The following RBM33 variants were observed in gnomAD, a reference collection of about 807,000 sequenced individuals.
RBM33 encodes the protein RNA-binding protein 33.
In RBM33, 28 loss-of-function variants were observed where a neutral mutation model predicts 132.6. That is an observed-to-expected ratio of 0.21 (90% CI 0.16 to 0.29). The LOEUF (loss-of-function observed/expected upper bound fraction) is 0.29, where lower values mean the gene tolerates loss of function less well. RBM33 is among the 10% of genes least tolerant of loss of function. The probability of loss-of-function intolerance (pLI) is 1.00; values close to 1 mark genes in which losing one functional copy is unlikely to be tolerated. For synonymous variants in RBM33, 634 were observed against 593.0 expected, an observed-to-expected ratio of 1.07 and a Z score of -1.01; for missense variants, 1,291 against 1,518.5, an observed-to-expected ratio of 0.85 and a Z score of 2.49.
At chr7:155,692,396 GA>G in intron 5 of RBM33, among the ~76,000 whole-genome samples, 1 of 152,274 alleles carries the variant, frequency 6.6e-6, no homozygotes, top group Middle Eastern at 3.4e-3. Flanking sequence ...CTTTGTTCCG[GA>G]ATATCTTTTA....
At chr7:155,749,282 A>G (rs1222569203) in intron 14 of RBM33, among the ~76,000 whole-genome samples, 1 of 152,152 alleles carries the variant, frequency 6.6e-6, no homozygotes, top group Non-Finnish European at 1.5e-5. Flanking sequence ...TGTGATTTTT[A>G]TGCCAGATAA....
intron 14 of RBM33, among the ~76,000 whole-genome samples, chr7:155,752,928 G>T (rs1030502285): frequency 6.6e-6 from 1 of 152,070 alleles, no homozygotes; most frequent in African/African-American, 2.4e-5. Flanking sequence ...TTCAGAGCCG[G>T]CTCCTGATGT....
At chr7:155,661,085 G>C (rs909269864) in intron 1 of RBM33, among the ~76,000 whole-genome samples, 2 of 138,620 alleles carry the variant, frequency 1.4e-5, no homozygotes, top group Admixed American at 1.5e-4. Flanking sequence ...AATAATTTCT[G>C]TGTGTGTGTG....
Position 155,745,225 on chromosome 7 carries a change from C to A in RBM33, c.2602C>A (p.Gln868Lys), listed in dbSNP as rs1311260208. The A allele has an allele frequency of 1.3e-5, 21 of 1,612,508 alleles. No homozygotes were observed. The highest frequency in any genetic ancestry group is 1.8e-5 in the Non-Finnish European group (21 of 1,179,272). The change falls in exon 14 of 18, where the codon CAA becomes AAA. Residue 868 changes from glutamine (Q) to lysine (K), a missense_variant. This residue lies in a region of RBM33 where 841 missense variants were observed against 912.0 expected (regional missense o/e 0.92). Transcript: ENST00000401878. The surrounding 1 kb of genome is among the most constrained non-coding windows in gnomAD (Gnocchi z 4.1). ...GCCCTTTCCAGGTGCACAGGTCAGA[C>A]AAAATGTGAAGAACAGACTTCTTGT... ...LLPFPGAQVR[Q>K]NVKNRLLVKN...
rs75855021 is a variant in RBM33 at position 155,766,822 on chromosome 7, C to T, written c.3375+167C>T. ...TGCATACTTAGTATCAGAACATTTG[C>T]CTCAAACGTTTATTTTGAAATTTTC... On this transcript the variant is annotated intron_variant, in intron 16 of 17. Transcript: ENST00000401878. 8,212 of 670,288 alleles carry T rather than the reference C, an allele frequency of 0.012. 515 individuals carry two copies. The African/African-American group carries it at 0.14, about 11-fold the overall frequency. 41.5% of individuals were successfully genotyped at this position (670,288 alleles called of 1,614,324 possible). A position where few individuals can be genotyped will look rare whatever the true frequency, so the allele number is the denominator to read the frequency against.
chr7:155,645,246 G>T (rs755145200), intron 1 of RBM33: 33 of 277,176 alleles, frequency 1.2e-4, no homozygotes, highest in Non-Finnish European at 1.7e-4. Flanking sequence ...GTAGGAGAGC[G>T]CCCCCCCCAC....
At position 155,779,107 on chromosome 7, in the gene RBM33, C is replaced by T. The variant is rs936282201; in HGVS notation, c.*4066C>T. ...TGGGATTCGTTTTTTTATTACCCTC[C>T]CTCCCTACTTGTAGGCCTCAGCTAT... On this transcript the variant is annotated 3_prime_UTR_variant, in exon 18 of 18. Coordinates refer to ENST00000401878, the MANE Select transcript of RBM33 (RefSeq NM_053043.3). 1.3e-5 allele frequency: 2 copies of T among 152,052 alleles called. No homozygotes were observed. Among genetic ancestry groups the T allele is most frequent in the Non-Finnish European group, 2.9e-5 (2 of 68,056 alleles). 9.4% of individuals were successfully genotyped at this position (152,052 alleles called of 1,614,324 possible).
intron 1 of RBM33, among the ~76,000 whole-genome samples, chr7:155,653,091 C>T (rs1230336372): frequency 6.6e-6 from 1 of 151,842 alleles, no homozygotes; most frequent in African/African-American, 2.4e-5. Context: ...TTTTTTTAAA[C>T]CATATATCCT....
At chr7:155,730,949 C>G (rs1563164798) in intron 9 of RBM33, among the ~76,000 whole-genome samples, 1 of 152,188 alleles carries the variant, frequency 6.6e-6, no homozygotes. Context: ...GTACCTAGTT[C>G]TCAGGTAGCT....
intron 14 of RBM33, among the ~76,000 whole-genome samples, chr7:155,747,346 A>C (rs1801550066): frequency 6.6e-6 from 1 of 152,018 alleles, no homozygotes; most frequent in Admixed American, 6.6e-5. Flanking sequence ...TACTTGTGTT[A>C]CAGACTTTTT....
chr7:155,701,938 A>G (rs6943960), intron 6 of RBM33, among the ~76,000 whole-genome samples: 4,732 of 152,244 alleles, frequency 0.031, 235 homozygotes, highest in African/African-American at 0.11. Context: ...CACCCGGCTC[A>G]GCCTCCGTAA....
At chr7:155,649,522 C>T (rs977186094) in intron 1 of RBM33, among the ~76,000 whole-genome samples, 1 of 152,152 alleles carries the variant, frequency 6.6e-6, no homozygotes, top group Non-Finnish European at 1.5e-5. Flanking sequence ...ATCATGTTAG[C>T]TTGATTTTTT....
At chr7:155,685,081 A>G in intron 5 of RBM33, 1 of 1,544,008 alleles carries the variant, frequency 6.5e-7, no homozygotes, top group Non-Finnish European at 8.7e-7. Flanking sequence ...AAAAGAGTAA[A>G]AAGTTTGCTG....
intron 7 of RBM33, among the ~76,000 whole-genome samples, chr7:155,708,527 A>G (rs989705120): frequency 6.6e-6 from 1 of 152,200 alleles, no homozygotes; most frequent in African/African-American, 2.4e-5. Context: ...AAGAGCACGT[A>G]TCTCTCACCT....
Position 155,685,440 on chromosome 7 carries a change from G to A in RBM33, c.567+4532G>A, listed in dbSNP as rs181713051. ...TTTTTAGTGTTGAAGAAGTAAGGATGATGAAGCTTGAATCCTGCTTTCAAG... is the reference window on the plus strand; with the variant it reads ...TTTTTAGTGTTGAAGAAGTAAGGATAATGAAGCTTGAATCCTGCTTTCAAG... On this transcript the variant is annotated intron_variant, in intron 5 of 17. Transcript: ENST00000401878. 2.4e-4 allele frequency among the ~76,000 whole-genome samples: 37 copies of A among 152,328 alleles called. 1 individual carries two copies. The East Asian group carries it at 7.1e-3, about 29-fold the overall frequency.
At chr7:155,715,060 A>G (rs965646758) in intron 8 of RBM33, among the ~76,000 whole-genome samples, 3 of 152,056 alleles carry the variant, frequency 2.0e-5, no homozygotes, top group African/African-American at 7.2e-5. Flanking sequence ...GTGTTCCCCC[A>G]AAGTTTTTCC....
In RBM33 at chr7:155,775,296, T is replaced by C. The variant is rs958496519; in HGVS notation, c.*255T>C. The C allele has an allele frequency of 1.1e-5, 7 of 608,968 alleles. No individual in the cohort carries two copies. Among genetic ancestry groups the C allele is most frequent in the African/African-American group, 1.8e-5 (1 of 54,160 alleles). The allele number at this position is 608,968 out of a possible 1,614,324, so 37.7% of individuals were successfully genotyped here. A position where few individuals can be genotyped will look rare whatever the true frequency, so the allele number is the denominator to read the frequency against. ...ACCAAGAACTCCAAGTTTTTCGTTT[T>C]GTTTTGTTTTCAAAGTGCTTACAAT... On this transcript the variant is annotated 3_prime_UTR_variant, in exon 18 of 18. Coordinates refer to ENST00000401878, the MANE Select transcript of RBM33 (RefSeq NM_053043.3).
At chr7:155,764,850 A>G (rs1185309875) in intron 15 of RBM33, among the ~76,000 whole-genome samples, 1 of 152,250 alleles carries the variant, frequency 6.6e-6, no homozygotes, top group Non-Finnish European at 1.5e-5. Flanking sequence ...TATTAAGACT[A>G]TTCTGGCTCC....
At chr7:155,720,602 C>T (rs752286838) in intron 9 of RBM33, among the ~76,000 whole-genome samples, 1 of 152,140 alleles carries the variant, frequency 6.6e-6, no homozygotes, top group Non-Finnish European at 1.5e-5. Context: ...GTCAAGTGCT[C>T]TGCATAGTGC....
Sources: gnomAD v4.1 joint callset for allele counts (sites outside exome capture counted in the v4.1 genomes callset) on GRCh38, gnomAD v4.1.1 for gene constraint, gnomAD v4.1.1 regional missense constraint, Gnocchi (gnomAD v3.1) non-coding constraint, MANE v1.5 for transcripts, NCBI Gene and HGNC (gene_info 2026-07-23, HGNC 2026-07-21) for gene names.